The following KIAA1217 variants were observed in gnomAD, a reference collection of about 807,000 sequenced individuals.
KIAA1217 encodes sickle tail protein homolog.
A neutral mutation model predicts 163.9 loss-of-function variants in KIAA1217; 88 were observed. The ratio of observed to expected loss-of-function variants is 0.54; its 90% confidence interval spans 0.45 to 0.64. The LOEUF is 0.64. Among genes scored for constraint, KIAA1217 ranks in the 30% least tolerant of loss-of-function variants. The pLI is 0.00. For synonymous variants in KIAA1217, 903 were observed against 923.1 expected (o/e 0.98, Z 0.39); for missense variants, 2,372 against 2,475.0 (o/e 0.96, Z 0.88).
rs1177784069 is a variant in KIAA1217 at position 24,509,250 on chromosome 10, A to G, written c.2002-4009A>G. ...GTCCTGCAGCCTGGAGACAGTGGCA[A>G]GAACACCAGACAGGGAGGGCAGGGG... On this transcript the variant is annotated intron_variant, in intron 9 of 20. Transcript: ENST00000376454. Among the ~76,000 whole-genome samples, 4 of 152,330 alleles carry G rather than the reference A, an allele frequency of 2.6e-5. No homozygotes were observed. The East Asian group carries it at 7.7e-4, about 29-fold the overall frequency.
intron 2 of KIAA1217, among the ~76,000 whole-genome samples, chr10:24,188,942 A>C (rs1362894386): frequency 6.6e-6 from 1 of 151,954 alleles, no homozygotes; most frequent in African/African-American, 2.4e-5. Context: ...CGTCTCTATT[A>C]AAAATACGAG....
chr10:24,133,268 T>C (rs1427445198), intron 2 of KIAA1217, among the ~76,000 whole-genome samples: 1 of 152,094 alleles, frequency 6.6e-6, no homozygotes, highest in Non-Finnish European at 1.5e-5. Flanking sequence ...GCTGTCATGA[T>C]TCTATTAGTC....
chr10:23,988,555 G>A (rs1029885588), intron 1 of KIAA1217, among the ~76,000 whole-genome samples: 1 of 152,048 alleles, frequency 6.6e-6, no homozygotes. Context: ...GAGCATCAGA[G>A]AAAGACCAAA....
chr10:24,234,240 G>A (rs1590106470), intron 2 of KIAA1217, among the ~76,000 whole-genome samples: 1 of 151,610 alleles, frequency 6.6e-6, no homozygotes, highest in Admixed American at 6.6e-5. Context: ...TGCTCAACTG[G>A]TAGCTATGTA....
At chr10:23,882,470 T>C (rs1372728973) in intron 1 of KIAA1217, among the ~76,000 whole-genome samples, 2 of 152,002 alleles carry the variant, frequency 1.3e-5, no homozygotes, top group Middle Eastern at 3.4e-3. Flanking sequence ...AGAATGGTGG[T>C]TGGGAAACAC....
chr10:23,943,735 A>G (rs141107312), intron 1 of KIAA1217, among the ~76,000 whole-genome samples: 1 of 152,370 alleles, frequency 6.6e-6, no homozygotes, highest in African/African-American at 2.4e-5. Context: ...TATGAAGCCA[A>G]AATAATCAGG....
At chr10:24,471,249 TC>T (rs999834911) in intron 5 of KIAA1217, among the ~76,000 whole-genome samples, 5 of 152,002 alleles carry the variant, frequency 3.3e-5, no homozygotes, top group African/African-American at 1.2e-4. Context: ...TTTCCTCGGG[TC>T]CCTCCCTCAT....
chr10:24,067,194 G>A (rs536129938), intron 2 of KIAA1217, among the ~76,000 whole-genome samples: 11 of 152,254 alleles, frequency 7.2e-5, no homozygotes, highest in South Asian at 6.2e-4. Flanking sequence ...GAGGAGCTGC[G>A]TTCCTTTGGA....
At position 24,454,927 on chromosome 10, in the gene KIAA1217, T is replaced by C. The variant is rs2061653862; in HGVS notation, c.846+16448T>C. On this transcript the variant is annotated intron_variant, in intron 5 of 20. Coordinates refer to ENST00000376454, the MANE Select transcript of KIAA1217 (RefSeq NM_019590.5). The stretch of plus-strand genomic sequence containing the variant: ...TCACCAGATATCTGCAGGGTTCAGA[T>C]CTTAATGCTTCAGAAATTTGTTGCA... Among the ~76,000 whole-genome samples, 3 of 151,188 alleles carry C rather than the reference T, an allele frequency of 2.0e-5. 1 individual carries two copies. The South Asian group carries it at 6.2e-4, about 31-fold the overall frequency.
At chr10:24,012,165 T>C (rs1004849693) in intron 2 of KIAA1217, among the ~76,000 whole-genome samples, 14 of 152,232 alleles carry the variant, frequency 9.2e-5, no homozygotes, top group Admixed American at 9.2e-4. Context: ...TGAGCCTTTA[T>C]GAAAAGGATT....
intron 2 of KIAA1217, among the ~76,000 whole-genome samples, chr10:24,278,880 A>G (rs1232755990): frequency 6.9e-6 from 1 of 145,294 alleles, no homozygotes; most frequent in Non-Finnish European, 1.5e-5. Context: ...TCTTGGAGAC[A>G]GAGTCTCACT....
chr10:24,254,856 AT>A (rs201463239), intron 2 of KIAA1217, among the ~76,000 whole-genome samples: 370 of 142,926 alleles, frequency 2.6e-3, no homozygotes, highest in Middle Eastern at 3.6e-3. Context: ...TTCAACTCTA[AT>A]TTTTTTTTTT....
intron 2 of KIAA1217, among the ~76,000 whole-genome samples, chr10:24,190,758 C>T (rs963559529): frequency 6.6e-6 from 1 of 152,088 alleles, no homozygotes; most frequent in African/African-American, 2.4e-5. Context: ...GAAATGCCAG[C>T]CAGAGCTCTC....
intron 1 of KIAA1217, among the ~76,000 whole-genome samples, chr10:23,811,107 T>A (rs1284021024): frequency 1.5e-5 from 2 of 136,740 alleles, no homozygotes; most frequent in Non-Finnish European, 3.1e-5. Context: ...ATACTATATA[T>A]TATATACACA....
At chr10:23,905,064 T>G (rs35678937) in intron 1 of KIAA1217, among the ~76,000 whole-genome samples, 6 of 52,392 alleles carry the variant, frequency 1.1e-4, no homozygotes, top group Non-Finnish European at 1.6e-4. Flanking sequence ...TCTCTTTTCC[T>G]TTTTTTTTTT....
chr10:24,012,708 C>T (rs1027566645), intron 2 of KIAA1217, among the ~76,000 whole-genome samples: 34 of 152,172 alleles, frequency 2.2e-4, no homozygotes, highest in African/African-American at 7.9e-4. Flanking sequence ...GAATATAATG[C>T]CTATTATAGT....
intron 1 of KIAA1217, among the ~76,000 whole-genome samples, chr10:23,947,690 C>T (rs1459431204): frequency 1.3e-5 from 2 of 152,170 alleles, no homozygotes; most frequent in Non-Finnish European, 2.9e-5. Flanking sequence ...GATTGCCTTA[C>T]TATGTGTCAG....
intron 3 of KIAA1217, among the ~76,000 whole-genome samples, chr10:24,408,978 A>G (rs1398116794): frequency 2.0e-5 from 3 of 152,246 alleles, no homozygotes; most frequent in African/African-American, 7.2e-5. Flanking sequence ...AGCTCCTAGT[A>G]TGGTGCCTGC....
At chr10:24,162,126 A>G (rs529895440) in intron 2 of KIAA1217, among the ~76,000 whole-genome samples, 1 of 152,328 alleles carries the variant, frequency 6.6e-6, no homozygotes, top group East Asian at 1.9e-4. Context: ...ACTGGTTAAG[A>G]AAATATCAAA....
Sources: allele counts gnomAD v4.1 joint callset (sites outside exome capture counted in the v4.1 genomes callset), GRCh38; gene constraint gnomAD v4.1.1; transcripts MANE v1.5; gene names NCBI Gene and HGNC (gene_info 2026-07-23, HGNC 2026-07-21).